DDX6: variants seen among roughly 807,000 people sequenced by gnomAD.
DDX6 encodes the protein DEAD-box helicase 6, also known as probable ATP-dependent RNA helicase DDX6.
DDX6 carries 7 observed loss-of-function variants against 60.6 expected under a neutral mutation model. The observed-to-expected ratio is 0.12, with a 90% CI of 0.07 to 0.22. DDX6 has a LOEUF of 0.22. DDX6 is among the 10% of genes least tolerant of loss of function. The pLI is 1.00. For synonymous variants in DDX6, 207 were observed against 201.0 expected (o/e 1.03, Z -0.25); for missense variants, 270 against 589.9 (o/e 0.46, Z 5.62).
At chr11:118,757,141 A>G in intron 10 of DDX6, 30 bp downstream of exon 10, 2 of 1,104,678 alleles carry the variant, frequency 1.8e-6, no homozygotes, top group South Asian at 1.7e-5. Context: ...TTTCTTATTA[A>G]ATTTGTGCAA....
rs1338117973 is a variant in DDX6, at chr11:118,748,137, A to G, written c.*3968T>C. 6.6e-6 allele frequency: 1 copy of G among 151,962 alleles called. No individual in the cohort carries two copies. The highest frequency in any genetic ancestry group is 2.4e-5 in the African/African-American group (1 of 41,404). The allele number at this position is 151,962 out of a possible 1,614,324, so 9.4% of individuals were successfully genotyped here. ...CCAGGCTCCCCTTCCCACACAACCA[A>G]TGTAAAATACAGCAGCCTGTATCTT... On this transcript the variant is annotated 3_prime_UTR_variant, in exon 14 of 14. Coordinates refer to ENST00000534980, the MANE Select transcript of DDX6 (RefSeq NM_004397.6).
At chr11:118,754,928 G>GA in intron 12 of DDX6, 41 bp from the exon 13 acceptor site, 4 of 1,518,688 alleles carry the variant, frequency 2.6e-6, no homozygotes, top group Non-Finnish European at 3.6e-6. Flanking sequence ...AATAAAATAT[G>GA]AAAATCAATG....
intron 2 of DDX6, among the ~76,000 whole-genome samples, chr11:118,782,364 T>C (rs1861927328): frequency 6.6e-6 from 1 of 151,886 alleles, no homozygotes; most frequent in Non-Finnish European, 1.5e-5. Context: ...TAAACTCTCT[T>C]TTTGGCCAGG....
intron 3 of DDX6, 75 bp from the exon 4 acceptor site, chr11:118,779,811 C>T (rs1861827565): frequency 1.7e-6 from 2 of 1,175,124 alleles, no homozygotes; most frequent in African/African-American, 3.1e-5. Flanking sequence ...GTAAATTTAT[C>T]TGTGTTTAAG....
chr11:118,756,473 G>T, intron 10 of DDX6, 150 bp from the exon 11 acceptor site: 1 of 472,256 alleles, frequency 2.1e-6, no homozygotes, highest in Non-Finnish European at 3.7e-6. Flanking sequence ...AATGAGTTAA[G>T]TTCTTGATAT....
intron 4 of DDX6, among the ~76,000 whole-genome samples, chr11:118,776,157 A>G (rs574389813): frequency 7.9e-5 from 12 of 152,318 alleles, no homozygotes; most frequent in African/African-American, 2.6e-4. Context: ...AAACAAATTT[A>G]AAACAATTAC....
At chr11:118,782,944 A>G (rs966434997) in intron 2 of DDX6, among the ~76,000 whole-genome samples, 5 of 152,176 alleles carry the variant, frequency 3.3e-5, no homozygotes, top group African/African-American at 9.7e-5. Context: ...AAAGCCTTTC[A>G]TCTAAGCCTG....
At chr11:118,765,534 G>A (rs1165091552) in intron 5 of DDX6, among the ~76,000 whole-genome samples, 179 bp from the exon 6 acceptor site, 3 of 152,164 alleles carry the variant, frequency 2.0e-5, no homozygotes, top group Non-Finnish European at 4.4e-5. Flanking sequence ...CAGCACTCTG[G>A]GAGGCCAAGG....
At chr11:118,756,003 G>C in intron 11 of DDX6, among the ~76,000 whole-genome samples, 1 of 114,716 alleles carries the variant, frequency 8.7e-6, no homozygotes, top group African/African-American at 3.4e-5. Context: ...GGGTGACAAA[G>C]ATTCCATCCC....
intron 1 of DDX6, 58 bp downstream of exon 1, chr11:118,791,040 C>T (rs1377982328): frequency 6.6e-6 from 1 of 151,280 alleles, no homozygotes; most frequent in Admixed American, 6.6e-5. Context: ...CGCCCCGCTC[C>T]GAGGGGCGCG....
Position 118,749,158 on chromosome 11 carries a change from C to T in DDX6, c.*2947G>A, listed in dbSNP as rs1431914064. 1.3e-5 allele frequency: 2 copies of T among 151,900 alleles called. No individual in the cohort carries two copies. The highest frequency in any genetic ancestry group is 3.9e-4 in the East Asian group (2 of 5,180). The allele number at this position is 151,900 out of a possible 1,614,324, so 9.4% of individuals were successfully genotyped here. ...TGGTAAGGTGTGTAACAGTCCATAG[C>T]CCATTACACAACTGTACAACCAAAG... is the stretch of plus-strand genomic sequence containing the variant. On this transcript the variant is annotated 3_prime_UTR_variant, in exon 14 of 14. Transcript: ENST00000534980.
chr11:118,784,197 C>G (rs1252575403), intron 2 of DDX6, among the ~76,000 whole-genome samples: 4 of 151,918 alleles, frequency 2.6e-5, no homozygotes, highest in African/African-American at 9.7e-5. Flanking sequence ...ATTTCTATAC[C>G]AATTAAAGCA....
chr11:118,766,346 A>G (rs1346297687), intron 5 of DDX6, among the ~76,000 whole-genome samples: 10 of 152,154 alleles, frequency 6.6e-5, no homozygotes, highest in Admixed American at 2.6e-4. Flanking sequence ...AGGCAGGAGG[A>G]TCACATCAGC....
Position 118,786,291 on chromosome 11 carries a change from T to C in DDX6, c.-40A>G, listed in dbSNP as rs754360364. The C allele has an allele frequency of 3.9e-6, 6 of 1,551,868 alleles. No individual in the cohort carries two copies. Among genetic ancestry groups the C allele is most frequent in the African/African-American group, 1.4e-5 (1 of 72,748 alleles). On this transcript the variant is annotated 5_prime_UTR_variant, in exon 2 of 14. Transcript: ENST00000534980. ...AAAGGTCTTTCAAACTTCAAAACTT[T>C]TGAAAGTCAGTAGAGAAACTGTAAT...
chr11:118,752,950 C>T (rs1204206867), intron 13 of DDX6, among the ~76,000 whole-genome samples: 1 of 152,110 alleles, frequency 6.6e-6, no homozygotes, highest in Admixed American at 6.5e-5. Context: ...GATGGGAAGA[C>T]AGGTTGTCCA....
chr11:118,779,762 A>C lies in DDX6; in HGVS notation c.265-26T>G, dbSNP rs1861825565. 3 of 1,493,270 alleles carry C rather than the reference A, an allele frequency of 2.0e-6. No homozygotes were observed. In the East Asian group the frequency reaches 6.9e-5, roughly 35 times the overall value. The allele number at this position is 1,493,270 out of a possible 1,614,324, so 92.5% of individuals were successfully genotyped here. A position where few individuals can be genotyped will look rare whatever the true frequency, so the allele number is the denominator to read the frequency against. ...CTAGTCAAACAAAAAGGAACAATAA[A>C]AGAATAAATAACACTGTTGGTAAAT... is the stretch of plus-strand genomic sequence containing the variant. On this transcript the variant is annotated intron_variant, in intron 3 of 13. Transcript: ENST00000534980.
chr11:118,763,838 T>TAAAAA (rs58341763), intron 6 of DDX6, among the ~76,000 whole-genome samples: 1 of 134,370 alleles, frequency 7.4e-6, no homozygotes, highest in Non-Finnish European at 1.6e-5. Flanking sequence ...TGTCTCAAAT[T>TAAAAA]AAAAAAAAAA....
At chr11:118,756,461 CA>C (rs1161408255) in intron 10 of DDX6, 138 bp from the exon 11 acceptor site, 3 of 499,956 alleles carry the variant, frequency 6.0e-6, no homozygotes, top group Non-Finnish European at 1.0e-5. Flanking sequence ...CTTTCAAAAC[CA>C]AATGAGTTAA....
At chr11:118,763,028 A>G (rs17122428) in intron 7 of DDX6, among the ~76,000 whole-genome samples, 184 bp downstream of exon 7, 8,481 of 152,282 alleles carry the variant, frequency 0.056, 757 homozygotes, top group African/African-American at 0.19. Flanking sequence ...CTGAATTCCA[A>G]TGAATGCCTA....
Sources: gnomAD v4.1 joint callset for allele counts (sites outside exome capture counted in the v4.1 genomes callset) on GRCh38, gnomAD v4.1.1 for gene constraint, MANE v1.5 for transcripts, NCBI Gene and HGNC (gene_info 2026-07-23, HGNC 2026-07-21) for gene names.